CCDC40: variants seen among roughly 807,000 people sequenced by gnomAD.
CCDC40 encodes the protein coiled-coil domain-containing protein 40.
In CCDC40, 104 loss-of-function variants were observed where a neutral mutation model predicts 124.5. The ratio of observed to expected loss-of-function variants is 0.84; its 90% CI spans 0.71 to 0.98. The LOEUF (loss-of-function observed/expected upper bound fraction) is 0.98, where lower values mean the gene tolerates loss of function less well. Ranked by LOEUF, CCDC40 falls within the 50% of genes least tolerant of loss-of-function variation. The pLI is 0.00. For synonymous variants in CCDC40, 580 were observed against 602.9 expected (o/e 0.96, Z 0.56); for missense variants, 1,463 against 1,503.9 (o/e 0.97, Z 0.45).
chr17:80,067,598 A>C, intron 10 of CCDC40: 1 of 1,536,146 alleles, frequency 6.5e-7, no homozygotes, highest in Non-Finnish European at 8.7e-7. Context: ...TTCTACGGGG[A>C]AGCTTCCTGC....
rs587778819 is a variant in CCDC40 at position 80,089,876 on chromosome 17, A to ACTGT, written c.2824_2825insCTGT (p.Arg942ThrfsTer57). 57 of 1,614,130 alleles carry ACTGT rather than the reference A, an allele frequency of 3.5e-5. No homozygotes were observed. Among genetic ancestry groups the ACTGT allele is most frequent in the Middle Eastern group, 1.6e-4 (1 of 6,068 alleles). The stretch of plus-strand genomic sequence containing the variant: ...CCGGGCCATGAAGGGCGAGATCCAC[A>ACTGT]GGATGAAGGTGAGGGGAGGAGAGCG... On this transcript the variant is annotated frameshift_variant, in exon 17 of 20. Transcript: ENST00000397545. LOFTEE classifies it high-confidence loss of function.
rs2038830565 is a variant in CCDC40, at chr17:80,097,419, G to A, written c.3180+16G>A. 5.6e-6 allele frequency: 9 copies of A among 1,613,664 alleles called. No individual in the cohort carries two copies. The highest frequency in any genetic ancestry group is 7.6e-6 in the Non-Finnish European group (9 of 1,179,812). On this transcript the variant is annotated intron_variant, in intron 19 of 19. Transcript: ENST00000397545. ...CAAACGACAGGTAAACGTGTCCCAG[G>A]AGGTCCCTGGGGATGACGGCCATGG...
chr17:80,050,289 G>A lies in CCDC40; in HGVS notation c.1159+6G>A, dbSNP rs1253145233. 6.4e-7 allele frequency: 1 copy of A among 1,551,802 alleles called. No homozygotes were observed. Among genetic ancestry groups the A allele is most frequent in the Non-Finnish European group, 8.7e-7 (1 of 1,148,426 alleles). ...CAACGAGGAGCGCAAAAAGTGTAAGGCAACCCGGCAGCCCCACACGCCATC... is the reference window on the plus strand; with the variant it reads ...CAACGAGGAGCGCAAAAAGTGTAAGACAACCCGGCAGCCCCACACGCCATC... On this transcript the variant is annotated splice_donor_region_variant and intron_variant, in intron 7 of 19. Coordinates refer to ENST00000397545, the MANE Select transcript of CCDC40 (RefSeq NM_017950.4).
intron 10 of CCDC40, chr17:80,067,855 T>C (rs2038088340): frequency 7.2e-7 from 1 of 1,397,192 alleles, no homozygotes; most frequent in Admixed American, 3.0e-5. Context: ...CCAATCCGAT[T>C]GATGAAGAAA....
rs1215747812 is a variant in CCDC40, at chr17:80,065,600, C to T, written c.1556C>T (p.Ala519Val). 1.2e-5 allele frequency: 19 copies of T among 1,612,268 alleles called. No individual in the cohort carries two copies. The highest frequency in any genetic ancestry group is 2.2e-5 in the South Asian group (2 of 91,024). Residue 519 changes from alanine (A) to valine (V), a missense_variant, in exon 10 of 20, where the codon GCG (alanine) becomes GTG (valine). Transcript: ENST00000397545. ...GAGGCGCACAGGGCGGTGCTGGAGG[C>T]GCTCAGGTACTGCAGGGCCACAGGC... ...RDEAHRAVLEALRGCQHQAKS... is the reference protein window; with the variant it reads ...RDEAHRAVLEVLRGCQHQAKS...
chr17:80,052,695 C>T (rs1001293304), intron 7 of CCDC40, among the ~76,000 whole-genome samples: 30 of 152,242 alleles, frequency 2.0e-4, no homozygotes, highest in Admixed American at 3.9e-4. Context: ...ACAGAGCATG[C>T]GGAGGCACCA....
chr17:80,078,220 A>T (rs1433544133), intron 10 of CCDC40, among the ~76,000 whole-genome samples: 1 of 151,524 alleles, frequency 6.6e-6, no homozygotes, highest in African/African-American at 2.4e-5. Flanking sequence ...AGTCCCAGCT[A>T]CTTGGGAGGG....
intron 10 of CCDC40, among the ~76,000 whole-genome samples, chr17:80,079,285 C>T (rs185399682): frequency 2.0e-5 from 3 of 152,142 alleles, no homozygotes; most frequent in Non-Finnish European, 4.4e-5. Flanking sequence ...AATTCTCTTT[C>T]CCAAGCAACC....
At position 80,058,158 on chromosome 17, in the gene CCDC40, A is replaced by G. The variant is rs900832347; in HGVS notation, c.1160-336A>G. ...CCAGCCTTTCAGTGGTAAGACATCT[A>G]TGCAATCAACCCGAAGCCTTACCAC... On this transcript the variant is annotated intron_variant, in intron 7 of 19. Coordinates refer to ENST00000397545, the MANE Select transcript of CCDC40 (RefSeq NM_017950.4). This position sits in a 1 kb window ranked among gnomAD's most constrained non-coding sequence, Gnocchi z 4.2. 1.3e-5 allele frequency among the ~76,000 whole-genome samples: 2 copies of G among 152,154 alleles called. No individual in the cohort carries two copies. Among genetic ancestry groups the G allele is most frequent in the African/African-American group, 2.4e-5 (1 of 41,444 alleles).
Position 80,057,604 on chromosome 17 carries a change from C to T in CCDC40, c.1160-890C>T, listed in dbSNP as rs147230854. 3.5e-3 allele frequency among the ~76,000 whole-genome samples: 535 copies of T among 151,678 alleles called. 1 individual carries two copies. The highest frequency in any genetic ancestry group is 0.012 in the African/African-American group (511 of 41,380). On this transcript the variant is annotated intron_variant, in intron 7 of 19. Coordinates refer to ENST00000397545, the MANE Select transcript of CCDC40 (RefSeq NM_017950.4). ...TAGAAATCCATCTCATGGCCGGGCG[C>T]GGTGGCTCATGCCTGTAATCCCAGC...
intron 17 of CCDC40, among the ~76,000 whole-genome samples, chr17:80,094,140 G>A (rs1036241012): frequency 1.3e-5 from 2 of 151,544 alleles, no homozygotes; most frequent in Admixed American, 6.6e-5. Context: ...GGCTGGGTGC[G>A]GTGGCTCACG....
chr17:80,064,678 C>A (rs1005225672), intron 9 of CCDC40, among the ~76,000 whole-genome samples: 2 of 151,490 alleles, frequency 1.3e-5, no homozygotes, highest in African/African-American at 2.4e-5. Context: ...AGTTTTCAAG[C>A]CCCTCCCCTG....
chr17:80,072,960 C>T (rs1409150096), intron 10 of CCDC40, among the ~76,000 whole-genome samples: 1 of 151,738 alleles, frequency 6.6e-6, no homozygotes, highest in Non-Finnish European at 1.5e-5. Flanking sequence ...GTGTGCCTCG[C>T]TTTCTCCTAC....
chr17:80,052,672 C>A (rs2037631714), intron 7 of CCDC40, among the ~76,000 whole-genome samples: 1 of 152,188 alleles, frequency 6.6e-6, no homozygotes, highest in African/African-American at 2.4e-5. Flanking sequence ...CAAACCCAGC[C>A]CTGATTCTAA....
At chr17:80,099,292 A>G in intron 19 of CCDC40, among the ~76,000 whole-genome samples, 1 of 148,398 alleles carries the variant, frequency 6.7e-6, no homozygotes, top group East Asian at 2.0e-4. Context: ...CTCCATCTCA[A>G]AAAAAAAAAA....
chr17:80,051,807 C>T (rs541937014), intron 7 of CCDC40, among the ~76,000 whole-genome samples: 2 of 152,354 alleles, frequency 1.3e-5, no homozygotes, highest in South Asian at 4.1e-4. Flanking sequence ...TAACTGCTCC[C>T]CACACCTGCA....
chr17:80,099,912 C>A lies in CCDC40; in HGVS notation c.*137C>A. The A allele has an allele frequency of 1.1e-6, 1 of 912,946 alleles. No homozygotes were observed. The highest frequency in any genetic ancestry group is 1.7e-6 in the Non-Finnish European group (1 of 602,224). The allele number at this position is 912,946 out of a possible 1,614,324, so 56.6% of individuals were successfully genotyped here. ...AGGGCATCGTTTAAGAGAAATAAGCCAGCCCCACCCATAGGAATCTTTTTA... is the reference window on the plus strand; with the variant it reads ...AGGGCATCGTTTAAGAGAAATAAGCAAGCCCCACCCATAGGAATCTTTTTA... On this transcript the variant is annotated 3_prime_UTR_variant, in exon 20 of 20. Coordinates refer to ENST00000397545, the MANE Select transcript of CCDC40 (RefSeq NM_017950.4).
At chr17:80,038,070 C>G (rs1598472811) in intron 1 of CCDC40, 53 bp from the exon 2 acceptor site, 1 of 1,250,984 alleles carries the variant, frequency 8.0e-7, no homozygotes, top group East Asian at 2.3e-5. Flanking sequence ...GGATAAGGAC[C>G]AAGAAAAAGA....
rs375215801 is a variant in CCDC40 at position 80,081,864 on chromosome 17, C to T, written c.1807-12C>T. 1.9e-6 allele frequency: 3 copies of T among 1,614,086 alleles called. No homozygotes were observed. Among genetic ancestry groups the T allele is most frequent in the Non-Finnish European group, 2.5e-6 (3 of 1,180,024 alleles). On this transcript the variant is annotated splice_polypyrimidine_tract_variant and intron_variant, in intron 11 of 19. Coordinates refer to ENST00000397545, the MANE Select transcript of CCDC40 (RefSeq NM_017950.4). ...CTTCAGGCACGTGCACCCTGTGGCT[C>T]CTTGTCTCCAGGAACAAATGATACT...
Sources: gnomAD v4.1 joint callset for allele counts (sites outside exome capture counted in the v4.1 genomes callset) on GRCh38, gnomAD v4.1.1 for gene constraint, Gnocchi (gnomAD v3.1) non-coding constraint, MANE v1.5 for transcripts, NCBI Gene and HGNC (gene_info 2026-07-23, HGNC 2026-07-21) for gene names.